Variants in ISM2 observed in about 807,000 individuals in gnomAD.
ISM2 encodes the protein isthmin-2.
A neutral mutation model predicts 58.0 loss-of-function variants in ISM2; 50 were observed. The observed-to-expected ratio is 0.86, with a 90% CI of 0.69 to 1.09. ISM2 has a LOEUF of 1.09. ISM2 is among the 50% of genes least tolerant of loss of function. The pLI, the probability that ISM2 is intolerant of heterozygous loss-of-function variation, is 0.00. For synonymous variants in ISM2, 303 were observed against 312.4 expected (o/e 0.97, Z 0.32); for missense variants, 723 against 745.0 (o/e 0.97, Z 0.34).
At position 77,482,656 on chromosome 14, in the gene ISM2, C is replaced by T; in HGVS notation, c.639G>A (p.Lys213=). 1 of 1,546,358 alleles carries T rather than the reference C, an allele frequency of 6.5e-7. No individual in the cohort carries two copies. The change falls in exon 4 of 7, where the codon AAG becomes AAA. Residue 213 remains lysine (K), a synonymous_variant. Coordinates refer to ENST00000342219, the MANE Select transcript of ISM2 (RefSeq NM_199296.3). ...CCTCGGCCTGGGGGTCCTCCACCAC[C>T]TTGATGGTCACCTGCAGGAGACAGG... ...TPNPDNQVTI[K]VVEDPQAEVS...
Position 77,496,980 on chromosome 14 carries a change from G to A in ISM2, c.141+1673C>T, listed in dbSNP as rs545577984. 3.9e-5 allele frequency among the ~76,000 whole-genome samples: 6 copies of A among 152,080 alleles called. No individual in the cohort carries two copies. In the South Asian group the frequency reaches 1.2e-3, roughly 32 times the overall value. On this transcript the variant is annotated intron_variant, in intron 1 of 6. Coordinates refer to ENST00000342219, the MANE Select transcript of ISM2 (RefSeq NM_199296.3). ...CCACGGCCTTTGGAGGGTTTCAGCA[G>A]TCTGGACAAGTTCTGGCTCTCACTC... is the stretch of plus-strand genomic sequence containing the variant.
Position 77,498,666 on chromosome 14 carries a change from G to T in ISM2, c.128C>A (p.Thr43Lys). 1.4e-6 allele frequency: 2 copies of T among 1,472,810 alleles called. No individual in the cohort carries two copies. Among genetic ancestry groups the T allele is most frequent in the East Asian group, 3.0e-5 (1 of 33,854 alleles). The allele number at this position is 1,472,810 out of a possible 1,614,324, so 91.2% of individuals were successfully genotyped here. A position where few individuals can be genotyped will look rare whatever the true frequency, so the allele number is the denominator to read the frequency against. ...GCCGCCACTCACCTCTGCGAGCCTCGTGAGGCTCCCAGGCCGTGGTCCGCG... is the reference window on the plus strand; with the variant it reads ...GCCGCCACTCACCTCTGCGAGCCTCTTGAGGCTCCCAGGCCGTGGTCCGCG... ...RLRGPRPGSL[T>K]RLAEVSASPD... The change falls in exon 1 of 7, where the codon ACG becomes AAG. Residue 43 changes from threonine to lysine, a missense_variant. Thr to Lys is a moderately conservative substitution (Grantham distance 78, BLOSUM62 -1). Coordinates refer to ENST00000342219, the MANE Select transcript of ISM2 (RefSeq NM_199296.3).
intron 1 of ISM2, among the ~76,000 whole-genome samples, chr14:77,492,533 T>A (rs2139971597): frequency 6.6e-6 from 1 of 150,572 alleles, no homozygotes; most frequent in Admixed American, 6.6e-5. Flanking sequence ...TTTTTTTTTT[T>A]TTTCAAGACA....
chr14:77,487,526 G>C (rs1192167786), intron 1 of ISM2, among the ~76,000 whole-genome samples: 3 of 152,216 alleles, frequency 2.0e-5, no homozygotes, highest in Non-Finnish European at 4.4e-5. Flanking sequence ...TCAGACCATA[G>C]GGTGGGCAAA....
chr14:77,478,561 G>A lies in ISM2; in HGVS notation c.1114+14C>T, dbSNP rs1341743623. 1 of 1,608,686 alleles carries A rather than the reference G, an allele frequency of 6.2e-7. No homozygotes were observed. The highest frequency in any genetic ancestry group is 1.3e-5 in the African/African-American group (1 of 74,898). On this transcript the variant is annotated intron_variant, in intron 5 of 6. Coordinates refer to ENST00000342219, the MANE Select transcript of ISM2 (RefSeq NM_199296.3). ...CACCAGCCACTCCTATGCAGGGGTA[G>A]GGGCTCATCTCACCAGGACAGGAGG... is the stretch of plus-strand genomic sequence containing the variant.
At chr14:77,498,593 G>A in intron 1 of ISM2, 60 bp downstream of exon 1, 1 of 1,393,406 alleles carries the variant, frequency 7.2e-7, no homozygotes, top group Non-Finnish European at 9.3e-7. Context: ...GGCTGGAGCC[G>A]GCGGGCTGGG....
chr14:77,475,833 C>G lies in ISM2; in HGVS notation c.1478G>C (p.Cys493Ser). The change falls in exon 7 of 7, where the codon TGC (cysteine) becomes TCC (serine). Residue 493 changes from cysteine to serine, a missense_variant. Transcript: ENST00000342219. The surrounding 1 kb of genome is among the most constrained non-coding windows in gnomAD (Gnocchi z 4.1). ...CAGCAGCCGGCTGTCCTCGTCATAG[C>G]AGCAGTGCTGGGCGGCCAGTGTGCT... Reference protein sequence around the residue: ...ESSTLAAQHCCYDEDSRLLTR... With the variant: ...ESSTLAAQHCSYDEDSRLLTR... 1 of 1,612,014 alleles carries G rather than the reference C, an allele frequency of 6.2e-7. No individual in the cohort carries two copies.
intron 6 of ISM2, among the ~76,000 whole-genome samples, chr14:77,476,974 G>A (rs1053706889): frequency 2.3e-4 from 35 of 152,186 alleles, no homozygotes; most frequent in Middle Eastern, 3.2e-3. Flanking sequence ...GGAGGTGGAG[G>A]TTGCAGTGAG....
At chr14:77,488,417 G>A (rs976008547) in intron 1 of ISM2, among the ~76,000 whole-genome samples, 1 of 152,184 alleles carries the variant, frequency 6.6e-6, no homozygotes, top group Admixed American at 6.5e-5. Context: ...CGTGTGGACA[G>A]ACACTGGTGA....
chr14:77,479,182 T>G (rs940208473), intron 4 of ISM2, among the ~76,000 whole-genome samples: 2 of 152,080 alleles, frequency 1.3e-5, no homozygotes, highest in Non-Finnish European at 2.9e-5. Context: ...TCCCCCCACC[T>G]CAGCCTCCCT....
rs2079088603 is a variant in ISM2, at chr14:77,475,179, G to A, written c.*416C>T. The A allele has an allele frequency of 6.4e-6, 1 of 155,874 alleles. No homozygotes were observed. The highest frequency in any genetic ancestry group is 6.5e-5 in the Admixed American group (1 of 15,384). The allele number at this position is 155,874 out of a possible 1,614,324, so 9.7% of individuals were successfully genotyped here. On this transcript the variant is annotated 3_prime_UTR_variant, in exon 7 of 7. Transcript: ENST00000342219. This position sits in a 1 kb window ranked among gnomAD's most constrained non-coding sequence, Gnocchi z 4.1. ...CCCTTCCTCTGCTGGCCATCAGGGTGGAGTAGGAGTGACTCGTGGCAGATC... is the reference window on the plus strand; with the variant it reads ...CCCTTCCTCTGCTGGCCATCAGGGTAGAGTAGGAGTGACTCGTGGCAGATC...
intron 1 of ISM2, among the ~76,000 whole-genome samples, chr14:77,493,871 A>C (rs1001578042): frequency 2.0e-5 from 3 of 151,952 alleles, no homozygotes; most frequent in African/African-American, 4.8e-5. Context: ...TCCCGGGTTC[A>C]CGCCGTTCTC....
At chr14:77,491,045 C>T (rs2079200531) in intron 1 of ISM2, among the ~76,000 whole-genome samples, 1 of 152,228 alleles carries the variant, frequency 6.6e-6, no homozygotes, top group Non-Finnish European at 1.5e-5. Context: ...ATAAAATCAG[C>T]CTTTAGGAAA....
chr14:77,497,791 G>T (rs1289288895), intron 1 of ISM2, among the ~76,000 whole-genome samples: 1 of 136,972 alleles, frequency 7.3e-6, no homozygotes, highest in Non-Finnish European at 1.5e-5. Flanking sequence ...AGGAAGGAAG[G>T]AAGGAAGGAA....
chr14:77,488,269 C>A (rs2079180317), intron 1 of ISM2, among the ~76,000 whole-genome samples: 1 of 152,166 alleles, frequency 6.6e-6, no homozygotes, highest in African/African-American at 2.4e-5. Flanking sequence ...GCGTGATCAC[C>A]TTTATGTTAA....
chr14:77,496,510 G>A (rs188248950), intron 1 of ISM2, among the ~76,000 whole-genome samples: 193 of 149,270 alleles, frequency 1.3e-3, no homozygotes, highest in African/African-American at 4.2e-3. Context: ...ATAGCCGGGC[G>A]TGGCGGCTCA....
At chr14:77,490,705 C>T (rs538984445) in intron 1 of ISM2, among the ~76,000 whole-genome samples, 1 of 152,346 alleles carries the variant, frequency 6.6e-6, no homozygotes, top group East Asian at 1.9e-4. Context: ...ACAGGATGTT[C>T]AACTCTCCAC....
intron 3 of ISM2, chr14:77,482,941 T>C: frequency 2.9e-6 from 1 of 348,328 alleles, no homozygotes; most frequent in Non-Finnish European, 5.1e-6. Flanking sequence ...GGGCCAGGTA[T>C]GGCGGTTCTA....
At chr14:77,484,004 C>T (rs1011234736) in intron 3 of ISM2, 1 of 228,640 alleles carries the variant, frequency 4.4e-6, no homozygotes, top group African/African-American at 2.3e-5. Flanking sequence ...TCCTGGAATC[C>T]CTTGTAGCCT....
Sources: gnomAD v4.1 joint callset for allele counts (sites outside exome capture counted in the v4.1 genomes callset) on GRCh38, gnomAD v4.1.1 for gene constraint, Gnocchi (gnomAD v3.1) non-coding constraint, MANE v1.5 for transcripts, NCBI Gene and HGNC (gene_info 2026-07-23, HGNC 2026-07-21) for gene names.